Variants in DAPK1 observed in about 807,000 individuals in gnomAD.
The protein encoded by DAPK1 is death-associated protein kinase 1.
Under a neutral mutation model 144.9 loss-of-function variants are expected in DAPK1, and 56 were observed. That is an observed-to-expected ratio of 0.39 (90% CI 0.31 to 0.48). The LOEUF (loss-of-function observed/expected upper bound fraction) is 0.48. Among genes scored for constraint, DAPK1 ranks in the 20% least tolerant of loss-of-function variants. The pLI is 0.95. For missense variants in DAPK1, 1,454 were observed against 1,875.4 expected (o/e 0.78, Z 4.15); for synonymous variants, 690 against 749.0 (o/e 0.92, Z 1.29).
chr9:87,623,250 G>A (rs978642794), intron 3 of DAPK1, among the ~76,000 whole-genome samples: 4 of 152,140 alleles, frequency 2.6e-5, no homozygotes, highest in Admixed American at 6.5e-5. Context: ...CTTCTTGGAT[G>A]CTAAAAGAAA....
chr9:87,605,317 C>T (rs972908791), intron 3 of DAPK1, 142 bp downstream of exon 3: 15 of 680,006 alleles, frequency 2.2e-5, no homozygotes, highest in African/African-American at 9.0e-5. Flanking sequence ...AGAACAATGC[C>T]GTGCTGCCTG....
intron 2 of DAPK1, among the ~76,000 whole-genome samples, chr9:87,588,716 T>G (rs1828022137): frequency 6.6e-6 from 1 of 152,218 alleles, no homozygotes; most frequent in African/African-American, 2.4e-5. Flanking sequence ...GGATTTATTT[T>G]AAGTTTCAGT....
At chr9:87,702,119 A>C (rs1825476607) in intron 24 of DAPK1, among the ~76,000 whole-genome samples, 1 of 152,106 alleles carries the variant, frequency 6.6e-6, no homozygotes, top group Non-Finnish European at 1.5e-5. Flanking sequence ...TAAACTCCTG[A>C]GCTCAGGCAG....
At chr9:87,558,246 G>A (rs1159733049) in intron 2 of DAPK1, among the ~76,000 whole-genome samples, 1 of 152,092 alleles carries the variant, frequency 6.6e-6, no homozygotes, top group East Asian at 1.9e-4. Flanking sequence ...CAGTGGGTAT[G>A]CATCTTGGCC....
rs756469590 is a variant in DAPK1, at chr9:87,640,303, G to C, written c.635G>C (p.Ser212Thr). The change falls in exon 8 of 26, where the codon AGT (serine) becomes ACT (threonine). Residue 212 changes from serine to threonine, a missense_variant. Physicochemically the swap from Ser to Thr is moderately conservative, Grantham distance 58. Around this residue, in one of 2 missense-constraint regions of DAPK1, gnomAD observed 429 missense variants for 637.5 expected, o/e 0.67. Transcript: ENST00000408954. ...SIGVITYILL[S>T]GASPFLGDTK... ...CCCAACTTTATTTTTAACAGCCTAA[G>C]TGGGGCCTCCCCATTTCTTGGAGAC... 4.3e-6 allele frequency: 7 copies of C among 1,613,348 alleles called. No individual in the cohort carries two copies. The highest frequency in any genetic ancestry group is 5.9e-6 in the Non-Finnish European group (7 of 1,179,712).
rs566340362 is a variant in DAPK1, at chr9:87,635,847, C to T, written c.285-2096C>T. Among the ~76,000 whole-genome samples the T allele has an allele frequency of 2.0e-5, 3 of 152,274 alleles. No individual in the cohort carries two copies. In the East Asian group the frequency reaches 5.8e-4, roughly 29 times the overall value. ...GACTGGATGCAGGCACTTGACTTCT[C>T]CACATCACGTGGCCACGGTGCCTGA... On this transcript the variant is annotated intron_variant, in intron 3 of 25. Transcript: ENST00000408954.
intron 2 of DAPK1, among the ~76,000 whole-genome samples, chr9:87,558,203 A>G (rs1240566803): frequency 6.6e-6 from 1 of 152,152 alleles, no homozygotes; most frequent in Non-Finnish European, 1.5e-5. Flanking sequence ...CATGGTGGTC[A>G]TGGACTCTCT....
chr9:87,696,731 T>C (rs3128493), intron 21 of DAPK1, among the ~76,000 whole-genome samples: 102,982 of 151,944 alleles, frequency 0.68, 35,212 homozygotes, highest in East Asian at 0.98. Flanking sequence ...CACTCACTCC[T>C]TCCCACCAGC....
At chr9:87,671,526 G>GGTCTTGCTCTGCGGCTCAGGC (rs1478482346) in intron 19 of DAPK1, among the ~76,000 whole-genome samples, 2 of 150,136 alleles carry the variant, frequency 1.3e-5, no homozygotes, top group Non-Finnish European at 3.0e-5. Context: ...TTTGAGATGA[G>GGTCTTGCTCTGCGGCTCAGGC]GTCTTGCTCT....
chr9:87,636,485 A>G (rs533204072), intron 3 of DAPK1, among the ~76,000 whole-genome samples: 27 of 152,330 alleles, frequency 1.8e-4, no homozygotes, highest in Non-Finnish European at 3.4e-4. Context: ...CATTCTTGGA[A>G]GCCCTCACAC....
intron 2 of DAPK1, among the ~76,000 whole-genome samples, chr9:87,500,981 T>G (rs1267883402): frequency 1.3e-5 from 2 of 152,198 alleles, no homozygotes; most frequent in African/African-American, 4.8e-5. Context: ...AATGATTGTT[T>G]TTTGGAAAAT....
chr9:87,498,813 G>A (rs1456419894), intron 1 of DAPK1, among the ~76,000 whole-genome samples, 157 bp from the exon 2 acceptor site: 2 of 152,064 alleles, frequency 1.3e-5, no homozygotes, highest in Non-Finnish European at 2.9e-5. Flanking sequence ...GTCCCTGGCC[G>A]CCCAGCTTTA....
At chr9:87,601,509 CTT>C (rs201923755) in intron 2 of DAPK1, among the ~76,000 whole-genome samples, 14 of 145,458 alleles carry the variant, frequency 9.6e-5, no homozygotes, top group Non-Finnish European at 1.5e-4. Context: ...CTGTCATGGG[CTT>C]TTTTTTTTTT....
chr9:87,676,911 C>T (rs527625724), intron 19 of DAPK1, among the ~76,000 whole-genome samples: 22 of 152,294 alleles, frequency 1.4e-4, no homozygotes, highest in East Asian at 9.7e-4. Context: ...TTTCAGTGTC[C>T]AGCAGTGGGA....
At chr9:87,640,529 C>T in intron 8 of DAPK1, 79 bp downstream of exon 8, 4 of 1,452,722 alleles carry the variant, frequency 2.8e-6, no homozygotes, top group Non-Finnish European at 3.8e-6. Context: ...ATGCACAGGG[C>T]CACGTTCCTC....
At chr9:87,674,378 G>A (rs1482819955) in intron 19 of DAPK1, among the ~76,000 whole-genome samples, 1 of 151,954 alleles carries the variant, frequency 6.6e-6, no homozygotes, top group Non-Finnish European at 1.5e-5. Flanking sequence ...AGCCAGAGAT[G>A]GTGGTGTGTG....
intron 2 of DAPK1, 29 bp downstream of exon 2, chr9:87,499,168 C>G: frequency 6.3e-7 from 1 of 1,590,626 alleles, no homozygotes; most frequent in South Asian, 1.1e-5. Flanking sequence ...GCGTACCCTC[C>G]TGGATTGTGG....
intron 2 of DAPK1, among the ~76,000 whole-genome samples, chr9:87,535,981 A>G (rs1563980491): frequency 6.6e-6 from 1 of 152,218 alleles, no homozygotes; most frequent in Non-Finnish European, 1.5e-5. Flanking sequence ...GAGAAACAAA[A>G]TGATACTTGA....
At chr9:87,508,279 T>C (rs1824686243) in intron 2 of DAPK1, among the ~76,000 whole-genome samples, 1 of 152,062 alleles carries the variant, frequency 6.6e-6, no homozygotes, top group South Asian at 2.1e-4. Flanking sequence ...CCCAAAGTAC[T>C]GGGATTACAG....
Sources: allele counts gnomAD v4.1 joint callset (sites outside exome capture counted in the v4.1 genomes callset), GRCh38; gene constraint gnomAD v4.1.1; regional missense constraint gnomAD v4.1.1; transcripts MANE v1.5; gene names NCBI Gene and HGNC (gene_info 2026-07-23, HGNC 2026-07-21).